Variants in CALN1 observed in about 807,000 individuals in gnomAD.
The protein encoded by CALN1 is calneuron 1, also known as calcium-binding protein 8.
Under a neutral mutation model 30.6 loss-of-function variants are expected in CALN1, and 17 were observed. The observed-to-expected ratio is 0.56, with a 90% CI of 0.38 to 0.83. The LOEUF (loss-of-function observed/expected upper bound fraction) is 0.83. Among genes scored for constraint, CALN1 ranks in the 40% least tolerant of loss-of-function variants. The pLI, the probability that CALN1 is intolerant of heterozygous loss-of-function variation, is 0.00. For missense variants in CALN1, 291 were observed against 354.9 expected, an observed-to-expected ratio of 0.82 and a Z score of 1.45; for synonymous variants, 156 against 131.4, an observed-to-expected ratio of 1.19 and a Z score of -1.28.
intron 3 of CALN1, among the ~76,000 whole-genome samples, chr7:72,211,925 TA>T (rs1410317942): frequency 4.6e-5 from 7 of 152,140 alleles, no homozygotes; most frequent in Non-Finnish European, 1.5e-5. Flanking sequence ...TGGCCCACAT[TA>T]AAAGCACAAT....
At chr7:72,396,512 G>A (rs1245851932) in intron 2 of CALN1, among the ~76,000 whole-genome samples, 1 of 152,038 alleles carries the variant, frequency 6.6e-6, no homozygotes, top group African/African-American at 2.4e-5. Context: ...TGGTGAATAG[G>A]ACGGAGGAGG....
chr7:71,836,290 C>T (rs775440021), intron 5 of CALN1, among the ~76,000 whole-genome samples: 1 of 152,160 alleles, frequency 6.6e-6, no homozygotes, highest in Non-Finnish European at 1.5e-5. Context: ...ATCACCCTTG[C>T]AATTTCCAAG....
At chr7:72,015,080 T>C (rs1026734762) in intron 5 of CALN1, among the ~76,000 whole-genome samples, 3 of 152,254 alleles carry the variant, frequency 2.0e-5, no homozygotes, top group Non-Finnish European at 4.4e-5. Flanking sequence ...TACATATTGA[T>C]AGGTAATTTC....
intron 6 of CALN1, among the ~76,000 whole-genome samples, chr7:71,799,647 T>C (rs942205303): frequency 6.6e-6 from 1 of 151,974 alleles, no homozygotes; most frequent in Admixed American, 6.6e-5. Context: ...TATTTCTTTT[T>C]GTATTTTTAG....
At chr7:72,102,947 C>T (rs1003459896) in intron 4 of CALN1, among the ~76,000 whole-genome samples, 1 of 151,720 alleles carries the variant, frequency 6.6e-6, no homozygotes, top group Non-Finnish European at 1.5e-5. Context: ...GTGGTGGGCA[C>T]CTGTAGGCCC....
At chr7:72,387,392 G>A (rs766996520) in intron 2 of CALN1, among the ~76,000 whole-genome samples, 1 of 151,968 alleles carries the variant, frequency 6.6e-6, no homozygotes, top group Non-Finnish European at 1.5e-5. Context: ...TGTTTCTTAA[G>A]TGTAGTCTGT....
intron 1 of CALN1, among the ~76,000 whole-genome samples, chr7:72,441,402 A>G (rs1808339248): frequency 6.6e-6 from 1 of 152,064 alleles, no homozygotes; most frequent in Non-Finnish European, 1.5e-5. Context: ...GTTCGAGACC[A>G]GCCTGACCAA....
At chr7:72,203,979 C>CTATTTTTTTTTTTT (rs59798860) in intron 3 of CALN1, among the ~76,000 whole-genome samples, 8 of 83,806 alleles carry the variant, frequency 9.5e-5, no homozygotes, top group South Asian at 4.7e-4. Flanking sequence ...AGGCCTCTCT[C>CTATTTTTTTTTTTT]TTTTTTTTTT....
chr7:72,175,099 A>T (rs1489480350), intron 3 of CALN1, among the ~76,000 whole-genome samples: 1 of 151,458 alleles, frequency 6.6e-6, no homozygotes, highest in African/African-American at 2.4e-5. Flanking sequence ...TTTGAGACAG[A>T]GTCTCACTCT....
chr7:71,816,789 G>A (rs1189521290), intron 5 of CALN1, among the ~76,000 whole-genome samples: 2 of 152,094 alleles, frequency 1.3e-5, no homozygotes, highest in African/African-American at 4.8e-5. Flanking sequence ...CCAACATGGT[G>A]AAACCCTGTC....
Position 71,810,416 on chromosome 7 carries a change from T to C in CALN1, c.578A>G (p.Lys193Arg), listed in dbSNP as rs2116194950. 1 of 1,614,116 alleles carries C rather than the reference T, an allele frequency of 6.2e-7. No individual in the cohort carries two copies. Among genetic ancestry groups the C allele is most frequent in the East Asian group, 2.2e-5 (1 of 44,882 alleles). The change falls in exon 6 of 7, where the codon AAG (lysine) becomes AGG (arginine). Residue 193 changes from lysine (K) to arginine (R), a missense_variant. This residue lies in a region of CALN1 where 169 missense variants were observed against 251.7 expected (regional missense o/e 0.67). Coordinates refer to ENST00000395275, the MANE Select transcript of CALN1 (RefSeq NM_031468.4). ...YHAFRDHLTMKDIENIIINEE... is the reference protein window; with the variant it reads ...YHAFRDHLTMRDIENIIINEE... ...ATTGATAATGATGTTCTCAATGTCC[T>C]TCATCGTTAGGTGGTCTCGGAAGGC...
upstream of CALN1, among the ~76,000 whole-genome samples, chr7:72,451,253 A>AG (rs1808656378): frequency 2.3e-5 from 3 of 129,714 alleles, no homozygotes; most frequent in Admixed American, 7.6e-5. Context: ...AAGAGGAGGA[A>AG]GAGGAGGAGG....
At chr7:72,124,558 G>A (rs1808608340) in intron 3 of CALN1, among the ~76,000 whole-genome samples, 1 of 151,950 alleles carries the variant, frequency 6.6e-6, no homozygotes, top group African/African-American at 2.4e-5. Flanking sequence ...AGGCTGAAGT[G>A]GGAGGATTGC....
chr7:71,869,835 G>A (rs1269673839), intron 5 of CALN1, among the ~76,000 whole-genome samples: 2 of 152,142 alleles, frequency 1.3e-5, no homozygotes, highest in Non-Finnish European at 2.9e-5. Context: ...AAAGGTGAGT[G>A]AAACTGCGAG....
chr7:72,235,753 T>A (rs372077376), intron 3 of CALN1, among the ~76,000 whole-genome samples: 1 of 138,944 alleles, frequency 7.2e-6, no homozygotes, highest in Admixed American at 7.6e-5. Context: ...GTCAATCAAA[T>A]CTCTGCCCCA....
intron 4 of CALN1, among the ~76,000 whole-genome samples, chr7:72,041,484 A>G (rs1342550277): frequency 6.6e-6 from 1 of 152,090 alleles, no homozygotes; most frequent in African/African-American, 2.4e-5. Context: ...CCTGGGTTCA[A>G]GCAATTCTCC....
intron 4 of CALN1, among the ~76,000 whole-genome samples, chr7:72,038,681 G>T (rs1161689278): frequency 6.6e-6 from 1 of 152,152 alleles, no homozygotes; most frequent in Non-Finnish European, 1.5e-5. Flanking sequence ...AAAACAGATT[G>T]CAGTAAAGAA....
chr7:71,946,459 C>T (rs923527141), intron 5 of CALN1, among the ~76,000 whole-genome samples: 8 of 151,326 alleles, frequency 5.3e-5, no homozygotes, highest in African/African-American at 1.2e-4. Context: ...CCTTGACCTC[C>T]GGGGCTCAAG....
intron 4 of CALN1, among the ~76,000 whole-genome samples, chr7:72,072,033 T>A (rs1451692985): frequency 6.6e-6 from 1 of 152,068 alleles, no homozygotes; most frequent in East Asian, 1.9e-4. Flanking sequence ...AAAGTATGTG[T>A]GAGACATCAT....
Sources: allele counts gnomAD v4.1 joint callset (sites outside exome capture counted in the v4.1 genomes callset), GRCh38; gene constraint gnomAD v4.1.1; regional missense constraint gnomAD v4.1.1; transcripts MANE v1.5; gene names NCBI Gene and HGNC (gene_info 2026-07-23, HGNC 2026-07-21).